The following PCSK2 variants were observed in gnomAD, a reference collection of about 807,000 sequenced individuals.
PCSK2 encodes neuroendocrine convertase 2.
PCSK2 carries 14 observed loss-of-function variants against 69.7 expected under a neutral mutation model. That is an observed-to-expected ratio of 0.20 (90% CI 0.13 to 0.31). The LOEUF is 0.31. PCSK2 is among the 10% of genes least tolerant of loss of function. The probability of loss-of-function intolerance (pLI) is 1.00; values close to 1 mark genes in which losing one functional copy is unlikely to be tolerated. For missense variants in PCSK2, 544 were observed against 842.5 expected (o/e 0.65, Z 4.39); for synonymous variants, 307 against 320.7 (o/e 0.96, Z 0.46).
At chr20:17,313,351 ACTCT>A (rs1478884541) in intron 2 of PCSK2, among the ~76,000 whole-genome samples, 1 of 150,824 alleles carries the variant, frequency 6.6e-6, no homozygotes, top group Admixed American at 6.6e-5. Flanking sequence ...ATTTTATAAA[ACTCT>A]CTCTTCAGGG....
In PCSK2 at chr20:17,453,598, A is replaced by T. The variant is rs954720264; in HGVS notation, c.886-144A>T. On this transcript the variant is annotated intron_variant, in intron 8 of 11. Transcript: ENST00000262545. This position sits in a 1 kb window ranked among gnomAD's most constrained non-coding sequence, Gnocchi z 4.0. ...TTTCCCACAATGCCCTGCCAGAAGG[A>T]TATGGTGTCCAACCCAGTTTAAAAA... The T allele has an allele frequency of 1.4e-6, 1 of 704,286 alleles. No individual in the cohort carries two copies. The highest frequency in any genetic ancestry group is 2.3e-6 in the Non-Finnish European group (1 of 439,830). 43.6% of individuals were successfully genotyped at this position (704,286 alleles called of 1,614,324 possible). A position where few individuals can be genotyped will look rare whatever the true frequency, so the allele number is the denominator to read the frequency against.
At chr20:17,437,061 A>T (rs571504276) in intron 8 of PCSK2, among the ~76,000 whole-genome samples, 178 bp downstream of exon 8, 15 of 151,994 alleles carry the variant, frequency 9.9e-5, no homozygotes, top group African/African-American at 1.2e-4. Flanking sequence ...CCTGTGATGG[A>T]TAAGGAGAGA....
intron 2 of PCSK2, among the ~76,000 whole-genome samples, chr20:17,295,970 G>T (rs1386012543): frequency 2.0e-5 from 3 of 152,190 alleles, no homozygotes; most frequent in Admixed American, 2.0e-4. Flanking sequence ...TTGTGTGAGG[G>T]GTGGCACAGA....
intron 6 of PCSK2, among the ~76,000 whole-genome samples, chr20:17,409,596 A>G (rs978099687): frequency 1.6e-4 from 25 of 152,254 alleles, no homozygotes; most frequent in Non-Finnish European, 2.8e-4. Flanking sequence ...AGAGAAAAGA[A>G]AATAGAAATA....
At chr20:17,444,628 C>G (rs760298839) in intron 8 of PCSK2, among the ~76,000 whole-genome samples, 3 of 152,134 alleles carry the variant, frequency 2.0e-5, no homozygotes, top group Non-Finnish European at 4.4e-5. Flanking sequence ...GATCCTGAGG[C>G]AAGATTTGGG....
At chr20:17,459,220 C>T (rs1051273312) in intron 10 of PCSK2, among the ~76,000 whole-genome samples, 37 of 152,146 alleles carry the variant, frequency 2.4e-4, no homozygotes, top group Non-Finnish European at 4.9e-4. Flanking sequence ...AAGAAACAGA[C>T]GATTTATGTG....
At chr20:17,243,078 AT>A (rs1348473881) in intron 1 of PCSK2, among the ~76,000 whole-genome samples, 1 of 152,068 alleles carries the variant, frequency 6.6e-6, no homozygotes, top group Non-Finnish European at 1.5e-5. Context: ...CCTCATTCTC[AT>A]TTTTTTCTCT....
intron 1 of PCSK2, among the ~76,000 whole-genome samples, chr20:17,252,761 C>T (rs1302066398): frequency 6.6e-6 from 1 of 152,178 alleles, no homozygotes; most frequent in Non-Finnish European, 1.5e-5. Context: ...ACCTTTGTCT[C>T]TCCAGCACCA....
intron 8 of PCSK2, among the ~76,000 whole-genome samples, chr20:17,437,982 A>AG (rs2032519306): frequency 2.8e-5 from 3 of 108,150 alleles, no homozygotes; most frequent in South Asian, 3.8e-4. Flanking sequence ...CCAGGCCAGC[A>AG]GTTCCCCCCC....
At position 17,358,409 on chromosome 20, in the gene PCSK2, A is replaced by G. The variant is rs2030281550; in HGVS notation, c.365A>G (p.Asn122Ser). ...ATCAATGAGATCGACATCAACATGA[A>G]CGATCCTCTTTTTACAAAGCAGTGG... ...RDINEIDINMNDPLFTKQWYL... is the reference protein window; with the variant it reads ...RDINEIDINMSDPLFTKQWYL... Residue 122 changes from asparagine (N) to serine (S), a missense_variant, in exon 3 of 12, where the codon AAC becomes AGC. Around this residue, in one of 3 missense-constraint regions of PCSK2, gnomAD observed 157 missense variants for 155.0 expected, o/e 1.01. Coordinates refer to ENST00000262545, the MANE Select transcript of PCSK2 (RefSeq NM_002594.5). 3 of 1,607,466 alleles carry G rather than the reference A, an allele frequency of 1.9e-6. No homozygotes were observed. Among genetic ancestry groups the G allele is most frequent in the Non-Finnish European group, 2.6e-6 (3 of 1,173,930 alleles).
At chr20:17,362,907 G>C (rs139218939) in intron 4 of PCSK2, among the ~76,000 whole-genome samples, 2 of 152,340 alleles carry the variant, frequency 1.3e-5, no homozygotes, top group South Asian at 2.1e-4. Context: ...TGAGGACAAG[G>C]ACAGATGCTC....
At chr20:17,317,814 G>A (rs1014197890) in intron 2 of PCSK2, among the ~76,000 whole-genome samples, 1 of 152,112 alleles carries the variant, frequency 6.6e-6, no homozygotes, top group African/African-American at 2.4e-5. Flanking sequence ...AACAACACAT[G>A]AAAGGTTGGA....
intron 2 of PCSK2, among the ~76,000 whole-genome samples, chr20:17,265,867 A>G (rs1314099858): frequency 1.3e-5 from 2 of 152,250 alleles, no homozygotes; most frequent in African/African-American, 2.4e-5. Context: ...GAGGCAAAAT[A>G]GACCCAGAGA....
chr20:17,297,562 A>T (rs1023513481), intron 2 of PCSK2, among the ~76,000 whole-genome samples: 1 of 152,248 alleles, frequency 6.6e-6, no homozygotes, highest in African/African-American at 2.4e-5. Context: ...GGGGGTTGCC[A>T]TGGGTCTCTT....
chr20:17,361,400 C>G (rs534383144), intron 4 of PCSK2, among the ~76,000 whole-genome samples: 4 of 152,370 alleles, frequency 2.6e-5, no homozygotes, highest in Non-Finnish European at 4.4e-5. Context: ...GATGAATTGG[C>G]ATTTTTCCAA....
chr20:17,248,215 T>C (rs1986842829), intron 1 of PCSK2, among the ~76,000 whole-genome samples: 1 of 144,676 alleles, frequency 6.9e-6, no homozygotes, highest in Admixed American at 6.9e-5. Context: ...TGTGTGTGTG[T>C]TTCAATGAAG....
intron 7 of PCSK2, among the ~76,000 whole-genome samples, chr20:17,432,559 T>C (rs1486047193): frequency 1.3e-5 from 2 of 152,244 alleles, no homozygotes; most frequent in African/African-American, 2.4e-5. Flanking sequence ...ACCCCATTCT[T>C]TCCTTCTTTC....
rs745467356 is a variant in PCSK2, at chr20:17,352,109, A to T, written c.283-6218A>T. On this transcript the variant is annotated intron_variant, in intron 2 of 11. Transcript: ENST00000262545. ...CACAATCCCACGTATAATAGCTATA[A>T]GAAGAATAAAATACCTAAGAATACA... Among the ~76,000 whole-genome samples the T allele has an allele frequency of 4.4e-4, 67 of 152,196 alleles. 1 individual carries two copies. Among genetic ancestry groups the T allele is most frequent in the Admixed American group, 7.2e-4 (11 of 15,290 alleles).
At chr20:17,462,500 A>G (rs971808032) in intron 10 of PCSK2, among the ~76,000 whole-genome samples, 1 of 152,208 alleles carries the variant, frequency 6.6e-6, no homozygotes, top group African/African-American at 2.4e-5. Context: ...AGAACTCCTG[A>G]CTAGGATAAC....
Sources: allele counts gnomAD v4.1 joint callset (sites outside exome capture counted in the v4.1 genomes callset), GRCh38; gene constraint gnomAD v4.1.1; regional missense constraint gnomAD v4.1.1; non-coding constraint Gnocchi (gnomAD v3.1); transcripts MANE v1.5; gene names NCBI Gene and HGNC (gene_info 2026-07-23, HGNC 2026-07-21).